Variants in KANSL3 observed in about 807,000 individuals in gnomAD.
The protein encoded by KANSL3 is KAT8 regulatory NSL complex subunit 3.
Under a neutral mutation model 89.2 loss-of-function variants are expected in KANSL3, and 16 were observed. The ratio of observed to expected loss-of-function variants is 0.18; its 90% CI spans 0.12 to 0.27. The LOEUF (loss-of-function observed/expected upper bound fraction) is 0.27. Ranked by LOEUF, KANSL3 falls within the 10% of genes least tolerant of loss-of-function variation. The pLI is 1.00. For synonymous variants in KANSL3, 385 were observed against 419.7 expected, an observed-to-expected ratio of 0.92 and a Z score of 1.01; for missense variants, 879 against 1,110.6, an observed-to-expected ratio of 0.79 and a Z score of 2.96.
At position 96,611,903 on chromosome 2, in the gene KANSL3, A is replaced by ATGTGTGTGTGTGTGTGTGTGTGTGTG. The variant is rs59217274; in HGVS notation, c.1086+353_1086+378dup. 6.3e-4 allele frequency among the ~76,000 whole-genome samples: 71 copies of ATGTGTGTGTGTGTGTGTGTGTGTGTG among 113,320 alleles called. 1 individual carries two copies. The highest frequency in any genetic ancestry group is 4.5e-3 in the Middle Eastern group (1 of 222). 74.3% of individuals were successfully genotyped at this position (113,320 alleles called of 152,430 possible). On this transcript the variant is annotated intron_variant, in intron 9 of 20. Transcript: ENST00000431828. ...TTTTTTTCCACAGATATATACCCATATGTGTGTGTGTGTGTGTGTGTGTGT... is the reference window on the plus strand; with the variant it reads ...TTTTTTTCCACAGATATATACCCATATGTGTGTGTGTGTGTGTGTGTGTGTGTGTGTGTGTGTGTGTGTGTGTGTGT...
intron 1 of KANSL3, 163 bp downstream of exon 1, chr2:96,638,120 C>G (rs1210121343): frequency 2.6e-5 from 4 of 152,302 alleles, no homozygotes; most frequent in Admixed American, 2.6e-4. Flanking sequence ...CAGCCCGCCC[C>G]CGGCCCGACC....
At chr2:96,617,532 C>T (rs1490329383) in intron 5 of KANSL3, among the ~76,000 whole-genome samples, 1 of 150,596 alleles carries the variant, frequency 6.6e-6, no homozygotes, top group Non-Finnish European at 1.5e-5. Context: ...GAGCCAGCTT[C>T]CTGTGAAGCA....
At chr2:96,635,716 C>T (rs994041932) in intron 2 of KANSL3, among the ~76,000 whole-genome samples, 2 of 152,136 alleles carry the variant, frequency 1.3e-5, no homozygotes, top group South Asian at 2.1e-4. Flanking sequence ...GGGTCAGGAG[C>T]GGTGGCTCAT....
At chr2:96,632,158 C>A (rs2073500075) in intron 2 of KANSL3, among the ~76,000 whole-genome samples, 1 of 151,972 alleles carries the variant, frequency 6.6e-6, no homozygotes, top group Non-Finnish European at 1.5e-5. Context: ...GTGAGCTGGT[C>A]TCAAAAAATA....
intron 3 of KANSL3, among the ~76,000 whole-genome samples, chr2:96,621,991 G>A (rs1256645697): frequency 6.6e-6 from 1 of 152,096 alleles, no homozygotes; most frequent in Non-Finnish European, 1.5e-5. Context: ...GCACACGCCT[G>A]TAGTCCCAGC....
chr2:96,624,530 C>A (rs1364312351), intron 3 of KANSL3, among the ~76,000 whole-genome samples: 3 of 151,954 alleles, frequency 2.0e-5, no homozygotes, highest in Non-Finnish European at 4.4e-5. Context: ...ATTATTAATT[C>A]TTCTTGTTGT....
Position 96,631,363 on chromosome 2 carries a change from G to C in KANSL3, c.335C>G (p.Thr112Ser), listed in dbSNP as rs773126694. 6.2e-7 allele frequency: 1 copy of C among 1,613,048 alleles called. No individual in the cohort carries two copies. The highest frequency in any genetic ancestry group is 1.7e-5 in the Admixed American group (1 of 59,882). ...ECERHVIFAR[T>S]DADAPPPPED... ...TGGTGGAGGAGGGGCATCTGCATCAGTCCTGGCAAAGATGACATGCCGTTC... is the reference window on the plus strand; with the variant it reads ...TGGTGGAGGAGGGGCATCTGCATCACTCCTGGCAAAGATGACATGCCGTTC... The change falls in exon 3 of 21, where the codon ACT (threonine) becomes AGT (serine). Residue 112 changes from threonine (T) to serine (S), a missense_variant. Around this residue, in one of 6 missense-constraint regions of KANSL3, gnomAD observed 210 missense variants for 311.9 expected, o/e 0.67. Transcript: ENST00000431828.
Position 96,593,461 on chromosome 2 carries a change from C to T in KANSL3, c.*2150G>A, listed in dbSNP as rs911106097. The T allele has an allele frequency of 2.7e-5, 10 of 377,076 alleles. No individual in the cohort carries two copies. Among genetic ancestry groups the T allele is most frequent in the Admixed American group, 6.8e-5 (2 of 29,626 alleles). 23.4% of individuals were successfully genotyped at this position (377,076 alleles called of 1,614,324 possible). On this transcript the variant is annotated 3_prime_UTR_variant, in exon 21 of 21. Coordinates refer to ENST00000431828, the MANE Select transcript of KANSL3 (RefSeq NM_001115016.3). Reference sequence around the variant, plus strand: ...CTATGAAATAGGTAAAGCTTCCTTTCGCGTTCCAAGAAATATAGTTTGCGA... The same window carrying T: ...CTATGAAATAGGTAAAGCTTCCTTTTGCGTTCCAAGAAATATAGTTTGCGA...
chr2:96,622,377 A>G (rs115583370), intron 3 of KANSL3, among the ~76,000 whole-genome samples: 2,358 of 151,796 alleles, frequency 0.016, 62 homozygotes, highest in African/African-American at 0.054. Flanking sequence ...AGGTATGATC[A>G]TGCCACGGGG....
intron 5 of KANSL3, chr2:96,615,484 A>C (rs1245327382): frequency 2.3e-6 from 3 of 1,278,348 alleles, no homozygotes; most frequent in Non-Finnish European, 3.1e-6. Context: ...AGACATGTTG[A>C]TGCTTACACT....
At chr2:96,612,033 T>C (rs537700549) in intron 9 of KANSL3, among the ~76,000 whole-genome samples, 3 of 151,098 alleles carry the variant, frequency 2.0e-5, no homozygotes, top group African/African-American at 7.3e-5. Context: ...CAGCCAAGAG[T>C]TGATCACTGG....
At chr2:96,616,636 AAT>A (rs1361522353) in intron 5 of KANSL3, among the ~76,000 whole-genome samples, 1 of 152,228 alleles carries the variant, frequency 6.6e-6, no homozygotes, top group African/African-American at 2.4e-5. Context: ...TGTGAATCTA[AAT>A]ATAGTCATGG....
chr2:96,631,233 G>A (rs2073328285), intron 3 of KANSL3, 79 bp downstream of exon 3: 1 of 1,015,004 alleles, frequency 9.9e-7, no homozygotes, highest in Non-Finnish European at 1.5e-6. Context: ...ATGAAATAAG[G>A]TCCTAATAAG....
At chr2:96,627,999 A>G in intron 3 of KANSL3, 8 of 1,290,156 alleles carry the variant, frequency 6.2e-6, no homozygotes, top group Non-Finnish European at 7.1e-6. Flanking sequence ...AAAACAAATA[A>G]TCTGATAAAT....
Position 96,601,681 on chromosome 2 carries a change from C to T in KANSL3, c.2578G>A (p.Glu860Lys), listed in dbSNP as rs532644338. 10 of 1,613,478 alleles carry T rather than the reference C, an allele frequency of 6.2e-6. No homozygotes were observed. The Admixed American group carries it at 6.7e-5, about 11-fold the overall frequency. Residue 860 changes from glutamate (E) to lysine (K), a missense_variant, in exon 20 of 21, where the codon GAG becomes AAG. Around this residue, in one of 6 missense-constraint regions of KANSL3, gnomAD observed 61 missense variants for 61.7 expected, o/e 0.99. Coordinates refer to ENST00000431828, the MANE Select transcript of KANSL3 (RefSeq NM_001115016.3). ...GGCAGCACCTGGGAAGAGGACTCCT[C>T]GGATGGGGCTGCTCCTGAGCCCATA... Reference protein sequence around the residue: ...SPMGSGAAPSEESSSQVLPSS... With the variant: ...SPMGSGAAPSKESSSQVLPSS...
chr2:96,611,205 C>A, intron 9 of KANSL3, 67 bp from the exon 10 acceptor site: 1 of 1,375,742 alleles, frequency 7.3e-7, no homozygotes, highest in South Asian at 1.2e-5. Context: ...TACCCAGAAT[C>A]CAGGAGTGGT....
chr2:96,600,230 A>G (rs1573281835), intron 20 of KANSL3, among the ~76,000 whole-genome samples: 1 of 152,226 alleles, frequency 6.6e-6, no homozygotes, highest in Non-Finnish European at 1.5e-5. Flanking sequence ...CAAAATAAAT[A>G]AAATAACATA....
chr2:96,629,698 C>A (rs1156862988), intron 3 of KANSL3, among the ~76,000 whole-genome samples: 1 of 152,158 alleles, frequency 6.6e-6, no homozygotes, highest in Non-Finnish European at 1.5e-5. Context: ...AGAACTGCTC[C>A]TCCCTCAACA....
intron 20 of KANSL3, chr2:96,601,003 A>T (rs901382177): frequency 1.7e-6 from 1 of 592,198 alleles, no homozygotes; most frequent in Admixed American, 6.4e-5. Context: ...AAACAAAGAA[A>T]GGGCCAGGAG....
Sources: allele counts gnomAD v4.1 joint callset (sites outside exome capture counted in the v4.1 genomes callset), GRCh38; gene constraint gnomAD v4.1.1; regional missense constraint gnomAD v4.1.1; transcripts MANE v1.5; gene names NCBI Gene and HGNC (gene_info 2026-07-23, HGNC 2026-07-21).